Variants in BBS9 observed in about 807,000 individuals in gnomAD.
BBS9 encodes the protein protein PTHB1.
BBS9 carries 89 observed loss-of-function variants against 117.7 expected under a neutral mutation model. That is an observed-to-expected ratio of 0.76 (90% CI 0.64 to 0.90). The LOEUF is 0.90. BBS9 is among the 40% of genes least tolerant of loss of function. BBS9 has a pLI of 0.00. For synonymous variants in BBS9, 379 were observed against 370.9 expected, an observed-to-expected ratio of 1.02 and a Z score of -0.25; for missense variants, 982 against 1,042.2, an observed-to-expected ratio of 0.94 and a Z score of 0.80.
chr7:33,576,462 G>A (rs1019990257), intron 21 of BBS9, among the ~76,000 whole-genome samples: 5 of 152,072 alleles, frequency 3.3e-5, no homozygotes, highest in South Asian at 2.1e-4. Flanking sequence ...AATCAATATC[G>A]TGAAAATGGC....
At chr7:33,153,620 A>C (rs1464033086) in intron 3 of BBS9, among the ~76,000 whole-genome samples, 1 of 152,172 alleles carries the variant, frequency 6.6e-6, no homozygotes, top group Non-Finnish European at 1.5e-5. Flanking sequence ...TTTGTTTATC[A>C]TAATTTATTG....
At position 33,489,331 on chromosome 7, in the gene BBS9, C is replaced by CTTT. The variant is rs35199510; in HGVS notation, c.2116-16112_2116-16110dup. Among the ~76,000 whole-genome samples, 208 of 86,174 alleles carry CTTT rather than the reference C, an allele frequency of 2.4e-3. 2 individuals are homozygous for CTTT. The highest frequency in any genetic ancestry group is 3.4e-3 in the African/African-American group (75 of 22,314). 56.5% of individuals were successfully genotyped at this position (86,174 alleles called of 152,430 possible). A position where few individuals can be genotyped will look rare whatever the true frequency, so the allele number is the denominator to read the frequency against. Reference sequence around the variant, plus strand: ...TTTAAACAAAAATAACCACTTATGGCTTTTTTTTTTTTTTTTTTTTTTGCT... The same window carrying CTTT: ...TTTAAACAAAAATAACCACTTATGGCTTTTTTTTTTTTTTTTTTTTTTTTTGCT... On this transcript the variant is annotated intron_variant, in intron 19 of 22. Transcript: ENST00000242067.
chr7:33,548,549 C>G (rs144267562), intron 21 of BBS9, among the ~76,000 whole-genome samples: 14,193 of 142,504 alleles, frequency 0.1, 792 homozygotes, highest in African/African-American at 0.15. Context: ...TTCCTGTGTC[C>G]ATGTGATCTC....
At chr7:33,264,521 A>G in intron 7 of BBS9, 147 bp downstream of exon 7, 1 of 499,498 alleles carries the variant, frequency 2.0e-6, no homozygotes, top group African/African-American at 2.0e-5. Flanking sequence ...TGACCTAAGA[A>G]TTGAGTTGGT....
At chr7:33,172,336 G>A (rs539745643) in intron 4 of BBS9, among the ~76,000 whole-genome samples, 4 of 151,374 alleles carry the variant, frequency 2.6e-5, no homozygotes, top group African/African-American at 7.3e-5. Context: ...AGCCAAGATC[G>A]TGCCACTGCA....
At chr7:33,179,107 G>C (rs1295848550) in intron 5 of BBS9, among the ~76,000 whole-genome samples, 1 of 152,090 alleles carries the variant, frequency 6.6e-6, no homozygotes, top group African/African-American at 2.4e-5. Context: ...GGGAACCTAG[G>C]CCTCCCTTGT....
At chr7:33,580,393 C>G (rs1401503615) in intron 21 of BBS9, among the ~76,000 whole-genome samples, 1 of 151,762 alleles carries the variant, frequency 6.6e-6, no homozygotes, top group Non-Finnish European at 1.5e-5. Flanking sequence ...GCTTATTTAG[C>G]ATCTGTATAA....
chr7:33,609,899 C>G (rs573328490), downstream of BBS9, among the ~76,000 whole-genome samples: 12 of 151,980 alleles, frequency 7.9e-5, no homozygotes, highest in Non-Finnish European at 1.8e-4. Context: ...ATAAATATAT[C>G]CAGTTAGCCC....
Position 33,369,115 on chromosome 7 carries a change from G to C in BBS9, c.1789+1253G>C, listed in dbSNP as rs935140892. ...TATAGTTCAATATTGCTAACTGTAA[G>C]TACATAGCACCATTTTGCTTTGATT... On this transcript the variant is annotated intron_variant, in intron 17 of 22. Coordinates refer to ENST00000242067, the MANE Select transcript of BBS9 (RefSeq NM_198428.3). Among the ~76,000 whole-genome samples the C allele has an allele frequency of 2.6e-5, 4 of 152,246 alleles. No individual in the cohort carries two copies. In the East Asian group the frequency reaches 7.7e-4, roughly 29 times the overall value.
At chr7:33,423,391 T>TGG (rs200859391) in intron 19 of BBS9, among the ~76,000 whole-genome samples, 2 of 151,032 alleles carry the variant, frequency 1.3e-5, no homozygotes, top group African/African-American at 4.9e-5. Flanking sequence ...ATGTATACCT[T>TGG]GGGGGTGTGT....
At chr7:33,526,538 A>G (rs1036093216) in intron 20 of BBS9, among the ~76,000 whole-genome samples, 15 of 150,918 alleles carry the variant, frequency 9.9e-5, no homozygotes, top group Admixed American at 6.6e-4. Flanking sequence ...AGTTGATCAC[A>G]TCAGCTCCTG....
At chr7:33,458,500 T>G (rs1439848257) in intron 19 of BBS9, among the ~76,000 whole-genome samples, 2 of 152,152 alleles carry the variant, frequency 1.3e-5, no homozygotes, top group African/African-American at 4.8e-5. Context: ...CTGTGCCAGT[T>G]TTTCTTTGCG....
chr7:33,245,611 C>A (rs943434472), intron 5 of BBS9, among the ~76,000 whole-genome samples: 1 of 152,064 alleles, frequency 6.6e-6, no homozygotes, highest in African/African-American at 2.4e-5. Flanking sequence ...AATGGCAGTT[C>A]TTATGGAATT....
intron 21 of BBS9, among the ~76,000 whole-genome samples, chr7:33,604,091 C>T (rs780545746): frequency 2.4e-4 from 36 of 152,014 alleles, no homozygotes; most frequent in Middle Eastern, 3.2e-3. Context: ...AGAATGGCTT[C>T]GGAAAAAAGC....
At position 33,174,082 on chromosome 7, in the gene BBS9, T is replaced by C. The variant is rs529355374; in HGVS notation, c.329-3396T>C. Among the ~76,000 whole-genome samples, 123 of 149,320 alleles carry C rather than the reference T, an allele frequency of 8.2e-4. No individual in the cohort carries two copies. The Middle Eastern group carries it at 0.011, about 13-fold the overall frequency. On this transcript the variant is annotated intron_variant, in intron 4 of 22. Coordinates refer to ENST00000242067, the MANE Select transcript of BBS9 (RefSeq NM_198428.3). ...TTAATTATCAGATCCAGTCTGATCC[T>C]AGATCCAGTCTGATCCTAGACCCAG...
chr7:33,493,668 C>T lies in BBS9; in HGVS notation c.2116-11795C>T, dbSNP rs1189515946. On this transcript the variant is annotated intron_variant, in intron 19 of 22. Coordinates refer to ENST00000242067, the MANE Select transcript of BBS9 (RefSeq NM_198428.3). ...CCTTTCTGGAAAGGTTCCACTGGGG[C>T]GGATTGGACAATAATCCAAGGCAGT... Among the ~76,000 whole-genome samples the T allele has an allele frequency of 4.6e-5, 7 of 152,144 alleles. 1 individual carries two copies. The East Asian group carries it at 1.4e-3, about 29-fold the overall frequency.
At chr7:33,416,206 T>A (rs1831987119) in intron 19 of BBS9, among the ~76,000 whole-genome samples, 1 of 151,744 alleles carries the variant, frequency 6.6e-6, no homozygotes, top group Non-Finnish European at 1.5e-5. Flanking sequence ...AAAATTTCTC[T>A]TGAAAAATCA....
At chr7:33,374,433 C>T (rs914313861) in intron 17 of BBS9, among the ~76,000 whole-genome samples, 3 of 151,620 alleles carry the variant, frequency 2.0e-5, no homozygotes, top group South Asian at 4.2e-4. Context: ...TTAACTTATA[C>T]AGTGATTCAG....
intron 5 of BBS9, among the ~76,000 whole-genome samples, chr7:33,228,632 A>G (rs970595931): frequency 1.3e-5 from 2 of 152,124 alleles, no homozygotes; most frequent in African/African-American, 4.8e-5. Flanking sequence ...ATTAACACAT[A>G]TTTTCTATGT....
Sources: allele counts gnomAD v4.1 joint callset (sites outside exome capture counted in the v4.1 genomes callset), GRCh38; gene constraint gnomAD v4.1.1; transcripts MANE v1.5; gene names NCBI Gene and HGNC (gene_info 2026-07-23, HGNC 2026-07-21).